The following SLC39A11 variants were observed in gnomAD, a reference collection of about 807,000 sequenced individuals.
SLC39A11 encodes the protein zinc transporter ZIP11.
Under a neutral mutation model 36.1 loss-of-function variants are expected in SLC39A11, and 33 were observed. That is an observed-to-expected ratio of 0.91 (90% CI 0.69 to 1.22). The LOEUF (loss-of-function observed/expected upper bound fraction) is 1.22. Ranked by LOEUF, SLC39A11 falls within the 50% of genes most tolerant of loss-of-function variation. The pLI is 0.00. For synonymous variants in SLC39A11, 166 were observed against 170.3 expected, an observed-to-expected ratio of 0.97 and a Z score of 0.20; for missense variants, 432 against 430.3, an observed-to-expected ratio of 1.00 and a Z score of -0.03.
chr17:72,886,892 CT>C (rs748371816), intron 5 of SLC39A11, among the ~76,000 whole-genome samples: 2 of 152,192 alleles, frequency 1.3e-5, no homozygotes, highest in Non-Finnish European at 2.9e-5. Context: ...CCAGGATAAT[CT>C]CTTCACACTC....
At chr17:72,765,677 G>C (rs1183503011) in intron 6 of SLC39A11, among the ~76,000 whole-genome samples, 1 of 152,130 alleles carries the variant, frequency 6.6e-6, no homozygotes, top group Non-Finnish European at 1.5e-5. Flanking sequence ...GAAAACACTA[G>C]CTATATTCCC....
At chr17:73,044,482 A>G (rs1216078876) in intron 3 of SLC39A11, among the ~76,000 whole-genome samples, 2 of 152,254 alleles carry the variant, frequency 1.3e-5, no homozygotes, top group Admixed American at 1.3e-4. Context: ...TTTAAGCACA[A>G]GGGTATGCAA....
chr17:72,794,491 G>A (rs2076824559), intron 6 of SLC39A11, among the ~76,000 whole-genome samples: 1 of 152,000 alleles, frequency 6.6e-6, no homozygotes, highest in African/African-American at 2.4e-5. Flanking sequence ...AAGATGAAGT[G>A]CAAAGTGCTT....
At chr17:72,683,723 G>A (rs557226181) in intron 7 of SLC39A11, among the ~76,000 whole-genome samples, 4 of 152,156 alleles carry the variant, frequency 2.6e-5, no homozygotes, top group African/African-American at 4.8e-5. Context: ...GGTTGATCTC[G>A]TAGAAAACTC....
intron 7 of SLC39A11, among the ~76,000 whole-genome samples, chr17:72,732,986 C>G (rs2074290665): frequency 6.6e-6 from 1 of 152,232 alleles, no homozygotes; most frequent in Non-Finnish European, 1.5e-5. Context: ...ACAAGTTGCA[C>G]ACGCAAGTTC....
At chr17:72,939,378 G>A (rs2084954392) in intron 5 of SLC39A11, among the ~76,000 whole-genome samples, 1 of 151,316 alleles carries the variant, frequency 6.6e-6, no homozygotes, top group African/African-American at 2.4e-5. Flanking sequence ...AGAACTGCTT[G>A]AACCCGGGAG....
At chr17:73,040,091 G>A (rs572959641) in intron 3 of SLC39A11, among the ~76,000 whole-genome samples, 4 of 152,156 alleles carry the variant, frequency 2.6e-5, no homozygotes, top group African/African-American at 7.2e-5. Context: ...AGCATTCCCC[G>A]ATATTCTGAT....
intron 7 of SLC39A11, among the ~76,000 whole-genome samples, chr17:72,718,194 T>C (rs1423496261): frequency 6.6e-6 from 1 of 152,148 alleles, no homozygotes; most frequent in East Asian, 1.9e-4. Context: ...ATGCCTGTAA[T>C]CTCAGCATTT....
chr17:72,695,301 C>A (rs943185437), intron 7 of SLC39A11, among the ~76,000 whole-genome samples: 1 of 152,182 alleles, frequency 6.6e-6, no homozygotes, highest in African/African-American at 2.4e-5. Flanking sequence ...CTTCCCGGCA[C>A]GTAGTATCCA....
At chr17:72,946,270 T>A (rs886537329) in intron 5 of SLC39A11, among the ~76,000 whole-genome samples, 2 of 152,200 alleles carry the variant, frequency 1.3e-5, no homozygotes, top group African/African-American at 4.8e-5. Flanking sequence ...CCTCTATGAT[T>A]TAAGCTCACA....
chr17:73,032,058 TG>T (rs2058754289), intron 3 of SLC39A11, among the ~76,000 whole-genome samples: 1 of 152,160 alleles, frequency 6.6e-6, no homozygotes, highest in African/African-American at 2.4e-5. Flanking sequence ...GCTGTCACAC[TG>T]GGAGGAGCGT....
chr17:72,766,902 C>T (rs2075777401), intron 6 of SLC39A11, among the ~76,000 whole-genome samples: 1 of 152,156 alleles, frequency 6.6e-6, no homozygotes, highest in Admixed American at 6.5e-5. Flanking sequence ...ACCTCCCTGA[C>T]CAGAGACATG....
chr17:72,845,341 G>A (rs2145923415), intron 6 of SLC39A11, among the ~76,000 whole-genome samples: 1 of 152,300 alleles, frequency 6.6e-6, no homozygotes, highest in South Asian at 2.1e-4. Flanking sequence ...TCACCCTGCT[G>A]TGGCCACAGT....
chr17:72,969,948 G>GT (rs900885829), intron 4 of SLC39A11, among the ~76,000 whole-genome samples: 88 of 152,330 alleles, frequency 5.8e-4, no homozygotes, highest in African/African-American at 2.1e-3. Flanking sequence ...TCTTCCTGCA[G>GT]TGAGGCTGGT....
intron 7 of SLC39A11, among the ~76,000 whole-genome samples, chr17:72,716,980 A>ATATATATAG (rs1555646773): frequency 7.7e-6 from 1 of 130,476 alleles, no homozygotes. Flanking sequence ...AAAAAAAAAA[A>ATATATATAG]ATATATATAT....
chr17:73,019,431 GATAA>G (rs2148572228), intron 4 of SLC39A11, among the ~76,000 whole-genome samples: 1 of 152,268 alleles, frequency 6.6e-6, no homozygotes, highest in East Asian at 1.9e-4. Context: ...ACCAAAGAGG[GATAA>G]ATAGATGTAT....
intron 7 of SLC39A11, among the ~76,000 whole-genome samples, chr17:72,653,919 G>A (rs550304067): frequency 1.6e-4 from 25 of 152,244 alleles, no homozygotes; most frequent in Admixed American, 5.2e-4. Context: ...GTCTTGATCT[G>A]TCCTAGTTCA....
intron 6 of SLC39A11, among the ~76,000 whole-genome samples, chr17:72,848,437 C>T (rs980637116): frequency 2.1e-4 from 32 of 152,062 alleles, no homozygotes; most frequent in Non-Finnish European, 2.4e-4. Context: ...AGACATAAAA[C>T]AGGCCAGCGT....
intron 7 of SLC39A11, among the ~76,000 whole-genome samples, chr17:72,728,735 T>G (rs1465099285): frequency 6.6e-6 from 1 of 152,178 alleles, no homozygotes; most frequent in Non-Finnish European, 1.5e-5. Context: ...TCTGGCTCAG[T>G]TAGCTTGGTG....
Sources: gnomAD v4.1 joint callset for allele counts (sites outside exome capture counted in the v4.1 genomes callset) on GRCh38, gnomAD v4.1.1 for gene constraint, MANE v1.5 for transcripts, NCBI Gene and HGNC (gene_info 2026-07-23, HGNC 2026-07-21) for gene names.